The following PTPA variants were observed in gnomAD, a reference collection of about 807,000 sequenced individuals.
PTPA encodes protein phosphatase 2 phosphatase activator.
A neutral mutation model predicts 43.6 loss-of-function variants in PTPA; 13 were observed. The ratio of observed to expected loss-of-function variants is 0.30; its 90% CI spans 0.19 to 0.47. The LOEUF (loss-of-function observed/expected upper bound fraction) is 0.47. PTPA is among the 20% of genes least tolerant of loss of function. The pLI is 0.99. For synonymous variants in PTPA, 172 were observed against 158.2 expected (o/e 1.09, Z -0.66); for missense variants, 329 against 411.9 (o/e 0.80, Z 1.74).
Position 129,111,536 on chromosome 9 carries a change from T to G in PTPA, c.-65T>G. Reference sequence around the variant, plus strand: ...TTGGTGGAGCCGGGGAGAGGAAGGGTGGGTGCAAGAGTGAAAGGCGAGAGG... The same window carrying G: ...TTGGTGGAGCCGGGGAGAGGAAGGGGGGGTGCAAGAGTGAAAGGCGAGAGG... On this transcript the variant is annotated 5_prime_UTR_variant, in exon 1 of 10. Coordinates refer to ENST00000393370, the MANE Select transcript of PTPA (RefSeq NM_178000.3). 1.6e-6 allele frequency: 2 copies of G among 1,277,550 alleles called. No homozygotes were observed. The highest frequency in any genetic ancestry group is 2.0e-6 in the Non-Finnish European group (2 of 1,004,278). The allele number at this position is 1,277,550 out of a possible 1,614,324, so 79.1% of individuals were successfully genotyped here.
chr9:129,145,570 C>G (rs1273288287), intron 9 of PTPA, among the ~76,000 whole-genome samples: 1 of 152,138 alleles, frequency 6.6e-6, no homozygotes, highest in Non-Finnish European at 1.5e-5. Context: ...CCAGTCAGAA[C>G]TGGTTGATTG....
intron 7 of PTPA, 55 bp from the exon 8 acceptor site, chr9:129,137,537 G>T: frequency 7.0e-7 from 1 of 1,438,208 alleles, no homozygotes; most frequent in Non-Finnish European, 9.6e-7. Context: ...GGGCCGGGTT[G>T]CCCAGGTAGT....
chr9:129,113,115 A>T (rs1278622400), intron 1 of PTPA, among the ~76,000 whole-genome samples: 2 of 150,726 alleles, frequency 1.3e-5, no homozygotes, highest in African/African-American at 4.9e-5. Context: ...TTTTTTTGAG[A>T]CAGTGTCTCA....
intron 3 of PTPA, among the ~76,000 whole-genome samples, chr9:129,127,172 A>G (rs977051518): frequency 6.6e-6 from 1 of 152,168 alleles, no homozygotes; most frequent in African/African-American, 2.4e-5. Context: ...ATCCTCTTAC[A>G]GGCTACTTTT....
At chr9:129,143,672 C>T in intron 9 of PTPA, 1 of 499,064 alleles carries the variant, frequency 2.0e-6, no homozygotes. Context: ...CCCCTTTGGT[C>T]CCCTTCCTCT....
chr9:129,116,018 G>A (rs1468516974), intron 1 of PTPA, among the ~76,000 whole-genome samples: 4 of 151,998 alleles, frequency 2.6e-5, no homozygotes, highest in Non-Finnish European at 5.9e-5. Context: ...GCGCTACCAT[G>A]CCCGGCTAAT....
At chr9:129,113,797 T>C (rs1848699561) in intron 1 of PTPA, among the ~76,000 whole-genome samples, 1 of 151,834 alleles carries the variant, frequency 6.6e-6, no homozygotes, top group Non-Finnish European at 1.5e-5. Flanking sequence ...AAAGAAAAAG[T>C]TCTGGTAAGG....
intron 1 of PTPA, chr9:129,111,904 C>G (rs901228750): frequency 3.7e-5 from 29 of 774,196 alleles, no homozygotes; most frequent in Non-Finnish European, 5.1e-5. Flanking sequence ...GGGTGGGCAG[C>G]GCCGTGGTCA....
Position 129,147,641 on chromosome 9 carries a change from A to G in PTPA, c.*177A>G. On this transcript the variant is annotated 3_prime_UTR_variant, in exon 10 of 10. Coordinates refer to ENST00000393370, the MANE Select transcript of PTPA (RefSeq NM_178000.3). ...CTCAGAGCATAAGGCTTCAGGGCCC[A>G]AGTTGGGAGAAGTGACCAAAGTGTA... is the stretch of plus-strand genomic sequence containing the variant. 1 of 648,892 alleles carries G rather than the reference A, an allele frequency of 1.5e-6. No individual in the cohort carries two copies. The highest frequency in any genetic ancestry group is 2.6e-6 in the Non-Finnish European group (1 of 384,968). The allele number at this position is 648,892 out of a possible 1,614,324, so 40.2% of individuals were successfully genotyped here.
At chr9:129,143,321 G>C in intron 9 of PTPA, 1 of 702,958 alleles carries the variant, frequency 1.4e-6, no homozygotes, top group East Asian at 2.7e-5. Context: ...GGCTGGATGT[G>C]AAGTTCCACA....
intron 4 of PTPA, 46 bp downstream of exon 4, chr9:129,129,156 G>A: frequency 1.2e-6 from 2 of 1,603,394 alleles, no homozygotes; most frequent in Non-Finnish European, 1.7e-6. Flanking sequence ...GGCAGTGAGG[G>A]TGGTTCTGGC....
At chr9:129,138,819 C>T (rs1407643547) in intron 8 of PTPA, among the ~76,000 whole-genome samples, 1 of 152,182 alleles carries the variant, frequency 6.6e-6, no homozygotes, top group Non-Finnish European at 1.5e-5. Context: ...GGGAATGACA[C>T]ATTTTTTCCA....
At chr9:129,143,015 AG>A in intron 9 of PTPA, 1 of 1,139,744 alleles carries the variant, frequency 8.8e-7, no homozygotes, top group East Asian at 2.6e-5. Context: ...GTCTGAGGGT[AG>A]GCCGAGAATT....
rs1301769286 is a variant in PTPA, at chr9:129,111,640, G to A, written c.31+9G>A. 5.5e-6 allele frequency: 7 copies of A among 1,279,890 alleles called. No homozygotes were observed. The highest frequency in any genetic ancestry group is 4.4e-4 in the Middle Eastern group (2 of 4,592). 79.3% of individuals were successfully genotyped at this position (1,279,890 alleles called of 1,614,324 possible). ...GCGGCAGCCGCCGCCAGGTAAGGCC[G>A]GCGGGGCCAGGCCGGGCCGGGGTCG... On this transcript the variant is annotated intron_variant, in intron 1 of 9. Coordinates refer to ENST00000393370, the MANE Select transcript of PTPA (RefSeq NM_178000.3).
At position 129,134,829 on chromosome 9, in the gene PTPA, T is replaced by C; in HGVS notation, c.495T>C (p.Cys165=). The part of the protein sequence containing the change: ...HEAAFAAFLC[C]LCKIGVLRVD... ...CAGCCTTCGCTGCTTTCCTCTGCTGTCTCTGCAAGATTGGGGTGCTCCGGG... is the reference window on the plus strand; with the variant it reads ...CAGCCTTCGCTGCTTTCCTCTGCTGCCTCTGCAAGATTGGGGTGCTCCGGG... Residue 165 remains cysteine (C), a synonymous_variant, in exon 6 of 10, where the codon TGT becomes TGC. Coordinates refer to ENST00000393370, the MANE Select transcript of PTPA (RefSeq NM_178000.3). The C allele has an allele frequency of 1.9e-6, 3 of 1,614,170 alleles. No homozygotes were observed. The highest frequency in any genetic ancestry group is 1.7e-6 in the Non-Finnish European group (2 of 1,180,026).
intron 1 of PTPA, among the ~76,000 whole-genome samples, chr9:129,113,074 A>AT (rs993602617): frequency 4.6e-5 from 7 of 151,046 alleles, no homozygotes; most frequent in Non-Finnish European, 1.0e-4. Flanking sequence ...AAGTCGCAAA[A>AT]AAAAAAATCT....
At chr9:129,142,889 C>T (rs568837205) in intron 9 of PTPA, 116 of 1,501,364 alleles carry the variant, frequency 7.7e-5, no homozygotes, top group Middle Eastern at 1.8e-4. Context: ...CCTCAAAGCT[C>T]GGGCAGTCTG....
intron 8 of PTPA, 92 bp downstream of exon 8, chr9:129,137,784 A>G: frequency 8.3e-7 from 1 of 1,211,030 alleles, no homozygotes; most frequent in Non-Finnish European, 1.2e-6. Context: ...GAAGAGCCAG[A>G]GCTGCTGCCC....
intron 8 of PTPA, 138 bp from the exon 9 acceptor site, chr9:129,142,307 G>C: frequency 1.3e-6 from 1 of 741,448 alleles, no homozygotes; most frequent in Non-Finnish European, 2.1e-6. Context: ...TGGTCCCCAA[G>C]TGTCTGCGCG....
Sources: allele counts gnomAD v4.1 joint callset (sites outside exome capture counted in the v4.1 genomes callset), GRCh38; gene constraint gnomAD v4.1.1; transcripts MANE v1.5; gene names NCBI Gene and HGNC (gene_info 2026-07-23, HGNC 2026-07-21).